Variants in MAGI1 observed in about 807,000 individuals in gnomAD.
MAGI1 encodes the protein membrane-associated guanylate kinase, WW and PDZ domain-containing protein 1.
In MAGI1, 58 loss-of-function variants were observed where a neutral mutation model predicts 139.9. The ratio of observed to expected loss-of-function variants is 0.41; its 90% CI spans 0.34 to 0.52. The LOEUF (loss-of-function observed/expected upper bound fraction) is 0.52. Ranked by LOEUF, MAGI1 falls within the 20% of genes least tolerant of loss-of-function variation. The pLI is 0.12. For missense variants in MAGI1, 1,874 were observed against 1,901.6 expected (o/e 0.99, Z 0.27); for synonymous variants, 812 against 737.9 (o/e 1.10, Z -1.63).
chr3:65,730,910 GTT>G (rs5849687), intron 1 of MAGI1, among the ~76,000 whole-genome samples: 3 of 145,364 alleles, frequency 2.1e-5, no homozygotes, highest in Admixed American at 6.9e-5. Context: ...CGGGGTTTTT[GTT>G]TTTTTTTTTC....
Position 65,948,640 on chromosome 3 carries a change from T to C in MAGI1, c.313+89356A>G, listed in dbSNP as rs572742192. Among the ~76,000 whole-genome samples the C allele has an allele frequency of 5.9e-5, 9 of 152,314 alleles. No individual in the cohort carries two copies. In the South Asian group the frequency reaches 1.4e-3, roughly 25 times the overall value. ...GTTTAAATTTGGGAAATCTTTTCTT[T>C]AAAAGAGAAGGACACAATTCAAACT... On this transcript the variant is annotated intron_variant, in intron 1 of 22. Coordinates refer to ENST00000402939, the MANE Select transcript of MAGI1 (RefSeq NM_001033057.2).
intron 1 of MAGI1, among the ~76,000 whole-genome samples, chr3:65,842,060 C>A (rs2058825951): frequency 6.6e-6 from 1 of 152,134 alleles, no homozygotes; most frequent in Non-Finnish European, 1.5e-5. Flanking sequence ...CTTTCCAGTT[C>A]CTGCTCCAGA....
chr3:65,363,544 C>T lies in MAGI1; in HGVS notation c.3416G>A (p.Gly1139Glu). The change falls in exon 21 of 23, where the codon GGA becomes GAA. Residue 1139 changes from glycine (G) to glutamate (E), a missense_variant. Gly to Glu is a moderately conservative substitution (Grantham distance 98). Transcript: ENST00000402939. ...GAKGFGFSLR[G>E]GREYNMDLYV... is the part of the protein sequence containing the mutation. The stretch of plus-strand genomic sequence containing the variant: ...GAGGTCCATGTTATACTCTCGGCCT[C>T]CTCGAAGGCTAAAGCCAAATCCCTT... The T allele has an allele frequency of 6.2e-7, 1 of 1,614,108 alleles. No individual in the cohort carries two copies. Among genetic ancestry groups the T allele is most frequent in the Non-Finnish European group, 8.5e-7 (1 of 1,179,958 alleles).
intron 13 of MAGI1, among the ~76,000 whole-genome samples, chr3:65,398,126 C>T (rs1305339792): frequency 1.3e-5 from 2 of 152,078 alleles, no homozygotes; most frequent in African/African-American, 4.8e-5. Context: ...CACACCAAAC[C>T]TGTTATTTAA....
At chr3:65,419,689 C>T (rs1422092623) in intron 12 of MAGI1, among the ~76,000 whole-genome samples, 1 of 152,164 alleles carries the variant, frequency 6.6e-6, no homozygotes, top group Admixed American at 6.5e-5. Flanking sequence ...CACATCTCAG[C>T]AAAGATTCCT....
chr3:65,533,701 A>G (rs1255805769), intron 2 of MAGI1, among the ~76,000 whole-genome samples: 1 of 152,194 alleles, frequency 6.6e-6, no homozygotes, highest in African/African-American at 2.4e-5. Context: ...TCTTTTAACA[A>G]GACCAAATAT....
chr3:65,957,013 T>C (rs956717205), intron 1 of MAGI1, among the ~76,000 whole-genome samples: 1 of 151,952 alleles, frequency 6.6e-6, no homozygotes, highest in African/African-American at 2.4e-5. Context: ...AAAAAAATTA[T>C]GTTATTGGGA....
At chr3:65,839,684 G>A (rs2058740762) in intron 1 of MAGI1, among the ~76,000 whole-genome samples, 1 of 152,054 alleles carries the variant, frequency 6.6e-6, no homozygotes, top group Non-Finnish European at 1.5e-5. Context: ...CAGGACATAG[G>A]GCGTGGAGAA....
intron 1 of MAGI1, among the ~76,000 whole-genome samples, chr3:66,023,171 T>TAG (rs2068051392): frequency 6.6e-6 from 1 of 152,116 alleles, no homozygotes; most frequent in Non-Finnish European, 1.5e-5. Context: ...CTGGATTACA[T>TAG]ATAGAATATC....
intron 1 of MAGI1, among the ~76,000 whole-genome samples, chr3:65,836,614 T>A (rs183519272): frequency 2.7e-5 from 4 of 150,272 alleles, no homozygotes; most frequent in Admixed American, 6.6e-5. Flanking sequence ...AGGTCAGGAG[T>A]TCAAGACCAG....
intron 2 of MAGI1, among the ~76,000 whole-genome samples, chr3:65,543,820 G>A (rs1218326223): frequency 6.6e-6 from 1 of 152,078 alleles, no homozygotes. Context: ...GTTGATGGGT[G>A]CAGCAAACCA....
intron 1 of MAGI1, among the ~76,000 whole-genome samples, chr3:65,776,636 G>A (rs1479160993): frequency 6.6e-6 from 1 of 152,102 alleles, no homozygotes; most frequent in African/African-American, 2.4e-5. Flanking sequence ...AATAATTAAT[G>A]CCAGCTTTCA....
intron 1 of MAGI1, among the ~76,000 whole-genome samples, chr3:65,986,488 C>T (rs1258416206): frequency 6.6e-6 from 1 of 152,158 alleles, no homozygotes; most frequent in African/African-American, 2.4e-5. Flanking sequence ...GACAGCCAGT[C>T]CTAAAATTAG....
chr3:65,626,534 G>C (rs780879051), intron 1 of MAGI1, among the ~76,000 whole-genome samples: 25 of 152,052 alleles, frequency 1.6e-4, no homozygotes, highest in Non-Finnish European at 2.8e-4. Flanking sequence ...ATGTTGCCTA[G>C]GCTGGTCTTG....
chr3:65,890,718 C>T (rs2060712190), intron 1 of MAGI1, among the ~76,000 whole-genome samples: 2 of 152,168 alleles, frequency 1.3e-5, no homozygotes, highest in Non-Finnish European at 2.9e-5. Context: ...TTGAGAACCA[C>T]TATGGTTGAA....
chr3:65,641,224 G>A (rs969725291), intron 1 of MAGI1, among the ~76,000 whole-genome samples: 5 of 152,108 alleles, frequency 3.3e-5, no homozygotes, highest in Non-Finnish European at 7.4e-5. Context: ...GCTCTCTCTT[G>A]GGGTCCTGGA....
At chr3:65,817,832 A>G (rs1268147690) in intron 1 of MAGI1, among the ~76,000 whole-genome samples, 2 of 152,222 alleles carry the variant, frequency 1.3e-5, no homozygotes, top group African/African-American at 2.4e-5. Flanking sequence ...TTTTAAGCTA[A>G]TGACATTGCA....
intron 1 of MAGI1, among the ~76,000 whole-genome samples, chr3:65,829,104 G>C (rs12629397): frequency 0.11 from 16,369 of 152,138 alleles, 1,281 homozygotes; most frequent in South Asian, 0.27. Context: ...TTTTAGCCCA[G>C]TGACATCCAC....
intron 1 of MAGI1, among the ~76,000 whole-genome samples, chr3:65,770,024 T>C (rs760486176): frequency 6.6e-5 from 10 of 152,170 alleles, no homozygotes; most frequent in Non-Finnish European, 1.2e-4. Flanking sequence ...TCTGGGAGGA[T>C]TGCTATCTTG....
Sources: allele counts gnomAD v4.1 joint callset (sites outside exome capture counted in the v4.1 genomes callset), GRCh38; gene constraint gnomAD v4.1.1; transcripts MANE v1.5; gene names NCBI Gene and HGNC (gene_info 2026-07-23, HGNC 2026-07-21).